Variants in MDGA2 observed in about 807,000 individuals in gnomAD.
MDGA2 encodes the protein MAM domain containing glycosylphosphatidylinositol anchor 2.
In MDGA2, 40 loss-of-function variants were observed where a neutral mutation model predicts 117.8. The ratio of observed to expected loss-of-function variants is 0.34; its 90% confidence interval spans 0.26 to 0.44. The LOEUF (loss-of-function observed/expected upper bound fraction) is 0.44. Among genes scored for constraint, MDGA2 ranks in the 20% least tolerant of loss-of-function variants. MDGA2 has a pLI of 1.00. For missense variants in MDGA2, 1,123 were observed against 1,250.6 expected, an observed-to-expected ratio of 0.90 and a Z score of 1.54; for synonymous variants, 452 against 439.0, an observed-to-expected ratio of 1.03 and a Z score of -0.37.
At position 47,145,760 on chromosome 14, in the gene MDGA2, CA is replaced by C. The variant is rs567021542; in HGVS notation, c.596-1487del. Reference sequence around the variant, plus strand: ...CTGGACACATAGTATTAAGTTGGTGCAAAAGTAATTTCAGTTTTTGACATTA... The same window carrying C: ...CTGGACACATAGTATTAAGTTGGTGCAAAGTAATTTCAGTTTTTGACATTA... On this transcript the variant is annotated intron_variant, in intron 3 of 16. Transcript: ENST00000399232. Among the ~76,000 whole-genome samples the C allele has an allele frequency of 6.0e-4, 92 of 152,158 alleles. 2 individuals are homozygous for C. The highest frequency in any genetic ancestry group is 2.1e-3 in the African/African-American group (87 of 41,518).
At chr14:47,554,248 G>A (rs4900781) in intron 1 of MDGA2, among the ~76,000 whole-genome samples, 94,230 of 151,596 alleles carry the variant, frequency 0.62, 30,378 homozygotes, top group East Asian at 0.98. Flanking sequence ...GTTTGTCTCT[G>A]TTTTATTTTC....
At chr14:47,247,578 C>T (rs1037788143) in intron 2 of MDGA2, among the ~76,000 whole-genome samples, 1 of 151,332 alleles carries the variant, frequency 6.6e-6, no homozygotes, top group Admixed American at 6.6e-5. Context: ...GCTGGGATTA[C>T]AGGCGTGAGC....
intron 3 of MDGA2, among the ~76,000 whole-genome samples, chr14:47,161,208 T>C (rs1883619524): frequency 6.6e-6 from 1 of 152,142 alleles, no homozygotes; most frequent in Non-Finnish European, 1.5e-5. Context: ...TGTGATTCAT[T>C]AGGATGAGAA....
intron 5 of MDGA2, among the ~76,000 whole-genome samples, chr14:47,102,927 G>A (rs1880425524): frequency 6.6e-6 from 1 of 152,176 alleles, no homozygotes; most frequent in Non-Finnish European, 1.5e-5. Context: ...CTATGACTTT[G>A]TTTCCATGTA....
chr14:47,597,734 T>C (rs999413163), intron 1 of MDGA2, among the ~76,000 whole-genome samples: 2 of 152,002 alleles, frequency 1.3e-5, no homozygotes, highest in Admixed American at 6.6e-5. Flanking sequence ...GGTTTAGTAG[T>C]TGCTACTATG....
rs1897042187 is a variant in MDGA2 at position 47,621,112 on chromosome 14, G to A, written c.280+53405C>T. On this transcript the variant is annotated intron_variant, in intron 1 of 16. Coordinates refer to ENST00000399232, the MANE Select transcript of MDGA2 (RefSeq NM_001113498.3). ...TCTTTATGCCTGAATACATGCATTT[G>A]GCATTACTGAGCACTCTCATTAACT... Among the ~76,000 whole-genome samples, 3 of 152,066 alleles carry A rather than the reference G, an allele frequency of 2.0e-5. No homozygotes were observed. The South Asian group carries it at 6.2e-4, about 32-fold the overall frequency.
At chr14:47,130,855 G>A (rs970213872) in intron 5 of MDGA2, among the ~76,000 whole-genome samples, 3 of 151,818 alleles carry the variant, frequency 2.0e-5, no homozygotes, top group Non-Finnish European at 4.4e-5. Flanking sequence ...ATGGGAAAAG[G>A]GTCTTTAAAA....
chr14:47,250,562 A>G (rs772888332), intron 2 of MDGA2, among the ~76,000 whole-genome samples: 3 of 152,134 alleles, frequency 2.0e-5, no homozygotes, highest in African/African-American at 7.2e-5. Context: ...CATAGAAGGG[A>G]CTGAATCGAC....
rs143561316 is a variant in MDGA2, at chr14:46,865,005, G to A, written c.2752+8428C>T. On this transcript the variant is annotated intron_variant, in intron 14 of 16. Transcript: ENST00000399232. ...ATCTTAACATTCTTTCTCATATGGC[G>A]TTTAACTCCAAGGGAAAAAAAATCC... is the stretch of plus-strand genomic sequence containing the variant. Among the ~76,000 whole-genome samples the A allele has an allele frequency of 2.3e-3, 348 of 151,778 alleles. 1 individual carries two copies. The highest frequency in any genetic ancestry group is 7.9e-3 in the African/African-American group (325 of 41,390).
intron 3 of MDGA2, among the ~76,000 whole-genome samples, chr14:47,206,813 C>A (rs2139462608): frequency 6.6e-6 from 1 of 151,888 alleles, no homozygotes; most frequent in East Asian, 1.9e-4. Context: ...CACTTGAGCC[C>A]AGAAGTTCGA....
chr14:47,436,531 A>T (rs970003261), intron 1 of MDGA2, among the ~76,000 whole-genome samples: 10 of 152,080 alleles, frequency 6.6e-5, no homozygotes, highest in African/African-American at 2.2e-4. Context: ...CTGGGTGAAC[A>T]CAACATATTT....
chr14:47,129,191 C>T (rs1478954345), intron 5 of MDGA2, among the ~76,000 whole-genome samples: 1 of 151,854 alleles, frequency 6.6e-6, no homozygotes, highest in Admixed American at 6.6e-5. Flanking sequence ...GTGCACTGCA[C>T]CCACTAACTC....
intron 2 of MDGA2, among the ~76,000 whole-genome samples, chr14:47,225,563 C>CA (rs1886460289): frequency 6.9e-6 from 1 of 145,036 alleles, no homozygotes; most frequent in African/African-American, 2.6e-5. Flanking sequence ...TCGCCAAGGA[C>CA]AAAAAACCAA....
At chr14:47,291,811 C>A (rs72682140) in intron 2 of MDGA2, among the ~76,000 whole-genome samples, 13,860 of 152,202 alleles carry the variant, frequency 0.091, 782 homozygotes, top group Non-Finnish European at 0.11. Flanking sequence ...GTTGAACAAT[C>A]ATGTTAGGAG....
chr14:47,124,928 C>T (rs777141593), intron 5 of MDGA2, among the ~76,000 whole-genome samples: 6 of 152,106 alleles, frequency 3.9e-5, no homozygotes, highest in African/African-American at 7.2e-5. Context: ...AAATTTCTAC[C>T]GTTTCAGTCA....
intron 1 of MDGA2, among the ~76,000 whole-genome samples, chr14:47,591,033 C>G (rs543325732): frequency 5.3e-5 from 8 of 152,080 alleles, no homozygotes; most frequent in Middle Eastern, 3.4e-3. Flanking sequence ...AACTCTGGAA[C>G]AGGACAGGAC....
chr14:47,025,304 TAAA>T (rs1434841729), intron 8 of MDGA2, among the ~76,000 whole-genome samples: 2 of 152,196 alleles, frequency 1.3e-5, no homozygotes, highest in African/African-American at 4.8e-5. Context: ...ATTTCTACAT[TAAA>T]TTGCTTCTGG....
At chr14:47,496,892 G>A (rs950631085) in intron 1 of MDGA2, among the ~76,000 whole-genome samples, 1 of 151,944 alleles carries the variant, frequency 6.6e-6, no homozygotes, top group African/African-American at 2.4e-5. Flanking sequence ...TGTTGGCAGG[G>A]GGATGGTTTG....
chr14:47,561,377 C>T (rs1427357675), intron 1 of MDGA2, among the ~76,000 whole-genome samples: 1 of 151,694 alleles, frequency 6.6e-6, no homozygotes, highest in African/African-American at 2.4e-5. Flanking sequence ...GGAATGTTTT[C>T]CTAATTGTTC....
Sources: allele counts gnomAD v4.1 joint callset (sites outside exome capture counted in the v4.1 genomes callset), GRCh38; gene constraint gnomAD v4.1.1; transcripts MANE v1.5; gene names NCBI Gene and HGNC (gene_info 2026-07-23, HGNC 2026-07-21).